Variants in FRMD8 observed in about 807,000 individuals in gnomAD.
FRMD8 encodes the protein FERM domain-containing protein 8.
Under a neutral mutation model 54.2 loss-of-function variants are expected in FRMD8, and 37 were observed. The ratio of observed to expected loss-of-function variants is 0.68; its 90% CI spans 0.53 to 0.90. The LOEUF is 0.90. Ranked by LOEUF, FRMD8 falls within the 40% of genes least tolerant of loss-of-function variation. The pLI, the probability that FRMD8 is intolerant of heterozygous loss-of-function variation, is 0.00. For missense variants in FRMD8, 585 were observed against 653.7 expected (o/e 0.89, Z 1.15); for synonymous variants, 246 against 286.9 (o/e 0.86, Z 1.44).
At chr11:65,395,325 C>T (rs1284615262) in intron 6 of FRMD8, among the ~76,000 whole-genome samples, 1 of 152,022 alleles carries the variant, frequency 6.6e-6, no homozygotes, top group Non-Finnish European at 1.5e-5. Context: ...GGCAGATCAC[C>T]TGAGGTCAGG....
intron 10 of FRMD8, among the ~76,000 whole-genome samples, chr11:65,405,341 G>T (rs952426793): frequency 2.6e-5 from 4 of 152,260 alleles, no homozygotes; most frequent in Non-Finnish European, 5.9e-5. Flanking sequence ...TGTTGGGTAG[G>T]TGGGGCGCGG....
At chr11:65,402,387 T>G (rs1856102425) in intron 9 of FRMD8, among the ~76,000 whole-genome samples, 1 of 151,930 alleles carries the variant, frequency 6.6e-6, no homozygotes, top group African/African-American at 2.4e-5. Flanking sequence ...TGAATTGCCC[T>G]GACATCTTTG....
chr11:65,393,140 G>A (rs555770962), intron 3 of FRMD8, among the ~76,000 whole-genome samples: 17 of 152,304 alleles, frequency 1.1e-4, no homozygotes, highest in East Asian at 9.7e-4. Flanking sequence ...CAGTGATGAC[G>A]GGGAGGCCCA....
chr11:65,408,426 G>A (rs1056553366), intron 10 of FRMD8, among the ~76,000 whole-genome samples: 5 of 151,720 alleles, frequency 3.3e-5, no homozygotes, highest in African/African-American at 1.2e-4. Context: ...AATGTAATTT[G>A]GACCACTGTG....
chr11:65,391,572 G>A (rs188460712), intron 3 of FRMD8, among the ~76,000 whole-genome samples: 1 of 152,058 alleles, frequency 6.6e-6, no homozygotes, highest in Admixed American at 6.5e-5. Context: ...GTGCAGTGGT[G>A]CAATCCCAGC....
chr11:65,374,215 C>T, the FRMD8 span, among the ~76,000 whole-genome samples: 961 of 143,536 alleles, frequency 6.7e-3, 7 homozygotes, highest in Middle Eastern at 0.011. Flanking sequence ...TGAAGGAGAG[C>T]TCTGATGAGC....
chr11:65,410,788 TCAAAA>T (rs2137953636), intron 10 of FRMD8, among the ~76,000 whole-genome samples: 1 of 152,090 alleles, frequency 6.6e-6, no homozygotes, highest in African/African-American at 2.4e-5. Context: ...AGACTCCGTC[TCAAAA>T]CAAACAAAAA....
rs778292582 is a variant in FRMD8, at chr11:65,399,873, C to T, written c.927+14C>T. 6.2e-7 allele frequency: 1 copy of T among 1,608,052 alleles called. No homozygotes were observed. The highest frequency in any genetic ancestry group is 8.5e-7 in the Non-Finnish European group (1 of 1,176,754). On this transcript the variant is annotated intron_variant, in intron 8 of 10. Coordinates refer to ENST00000317568, the MANE Select transcript of FRMD8 (RefSeq NM_031904.5). Reference sequence around the variant, plus strand: ...AGCAGAGAGAAGGTACTGCCCCCAGCTCCTCCAGGGTGGAGAGGATGGGAG... The same window carrying T: ...AGCAGAGAGAAGGTACTGCCCCCAGTTCCTCCAGGGTGGAGAGGATGGGAG...
At position 65,411,512 on chromosome 11, in the gene FRMD8, G is replaced by A. The variant is rs1314431850; in HGVS notation, c.*152G>A. 2 of 544,100 alleles carry A rather than the reference G, an allele frequency of 3.7e-6. No homozygotes were observed. Among genetic ancestry groups the A allele is most frequent in the Non-Finnish European group, 6.4e-6 (2 of 310,758 alleles). 33.7% of individuals were successfully genotyped at this position (544,100 alleles called of 1,614,324 possible). ...CTCAGACCACGGAGAAGTGACTTTT[G>A]GGCCCGGGGCCATGCCCGGGCTGTG... On this transcript the variant is annotated 3_prime_UTR_variant, in exon 11 of 11. Transcript: ENST00000317568.
chr11:65,400,814 G>A lies in FRMD8; in HGVS notation c.1018G>A (p.Gly340Arg), dbSNP rs145735901. 2.0e-4 allele frequency: 325 copies of A among 1,612,902 alleles called. No homozygotes were observed. The highest frequency in any genetic ancestry group is 2.6e-4 in the South Asian group (24 of 90,716). Residue 340 changes from glycine (G) to arginine (R), a missense_variant, in exon 9 of 11, where the codon GGG (glycine) becomes AGG (arginine). Gly to Arg is a moderately radical substitution (Grantham distance 125). Transcript: ENST00000317568. The surrounding 1 kb of genome is among the most constrained non-coding windows in gnomAD (Gnocchi z 4.3). ...EEPILWLEFD[G>R]DSEGTPVNKL... ...GCCCATCTTGTGGCTGGAGTTCGAC[G>A]GGGACAGCGAGGGCACACCTGTCAA...
intron 3 of FRMD8, 85 bp downstream of exon 3, chr11:65,389,613 G>T: frequency 7.2e-7 from 1 of 1,382,408 alleles, no homozygotes; most frequent in Non-Finnish European, 9.7e-7. Flanking sequence ...GTTTGGAGCC[G>T]CTGGGGAGCC....
chr11:65,380,737 TGGGGGAGGTC>T, the FRMD8 span: 1 of 540,464 alleles, frequency 1.9e-6, no homozygotes, highest in South Asian at 1.8e-5. Flanking sequence ...TTCTGGAGTT[TGGGGGAGGTC>T]GCACCCCCAG....
chr11:65,376,114 AG>A, the FRMD8 span: 1 of 468,754 alleles, frequency 2.1e-6, no homozygotes. Flanking sequence ...ACAGGACAGG[AG>A]CTGGGATGTC....
chr11:65,409,863 G>A (rs148322997), intron 10 of FRMD8, among the ~76,000 whole-genome samples: 2 of 152,042 alleles, frequency 1.3e-5, no homozygotes, highest in African/African-American at 4.8e-5. Context: ...AGGCTCACCT[G>A]AGGCCAGGAG....
intron 3 of FRMD8, among the ~76,000 whole-genome samples, chr11:65,390,349 A>G (rs578270): frequency 0.46 from 69,514 of 151,890 alleles, 17,315 homozygotes; most frequent in Non-Finnish European, 0.56. Context: ...TCGGTGCCAT[A>G]GGCCGGGCGA....
At chr11:65,392,650 C>T (rs575712815) in intron 3 of FRMD8, among the ~76,000 whole-genome samples, 76 of 152,252 alleles carry the variant, frequency 5.0e-4, no homozygotes, top group African/African-American at 1.8e-3. Flanking sequence ...GACTGCTGCA[C>T]TTGGTCATTC....
intron 10 of FRMD8, among the ~76,000 whole-genome samples, chr11:65,408,553 T>G (rs1285362033): frequency 6.6e-6 from 1 of 151,844 alleles, no homozygotes; most frequent in East Asian, 1.9e-4. Flanking sequence ...AAGTCCTTCC[T>G]TAGAATCTGA....
rs1410332740 is a variant in FRMD8, at chr11:65,412,985, ATTTTATTTT to A, written c.*1638_*1646del. On this transcript the variant is annotated 3_prime_UTR_variant, in exon 11 of 11. Transcript: ENST00000317568. The stretch of plus-strand genomic sequence containing the variant: ...GTCCCTGCTGCTTTGATTCCAGGTG[ATTTTATTTT>A]TTTTATTTTTTTATTTTTTTTGAGA... The A allele has an allele frequency of 6.6e-6, 1 of 151,702 alleles. No individual in the cohort carries two copies. The highest frequency in any genetic ancestry group is 2.4e-5 in the African/African-American group (1 of 41,220). 9.4% of individuals were successfully genotyped at this position (151,702 alleles called of 1,614,324 possible).
Position 65,393,802 on chromosome 11 carries a change from A to G in FRMD8, c.355+128A>G, listed in dbSNP as rs1855889478. On this transcript the variant is annotated intron_variant, in intron 4 of 10. Coordinates refer to ENST00000317568, the MANE Select transcript of FRMD8 (RefSeq NM_031904.5). ...GAGGGGCAGGGCCTGCATCTCCCCC[A>G]GGCTCCGTCAGCCACCCCTGGCAGG... The G allele has an allele frequency of 5.9e-6, 5 of 846,992 alleles. No homozygotes were observed. The South Asian group carries it at 8.2e-5, about 14-fold the overall frequency. 52.5% of individuals were successfully genotyped at this position (846,992 alleles called of 1,614,324 possible). A position where few individuals can be genotyped will look rare whatever the true frequency, so the allele number is the denominator to read the frequency against.
Sources: allele counts gnomAD v4.1 joint callset (sites outside exome capture counted in the v4.1 genomes callset), GRCh38; gene constraint gnomAD v4.1.1; non-coding constraint Gnocchi (gnomAD v3.1); transcripts MANE v1.5; gene names NCBI Gene and HGNC (gene_info 2026-07-23, HGNC 2026-07-21).